Variants in WDR76 observed in about 807,000 individuals in gnomAD.
The protein encoded by WDR76 is WD repeat-containing protein 76.
In WDR76, 52 loss-of-function variants were observed where a neutral mutation model predicts 70.2. That is an observed-to-expected ratio of 0.74 (90% CI 0.59 to 0.93). WDR76 has a LOEUF of 0.93. Among genes scored for constraint, WDR76 ranks in the 40% least tolerant of loss-of-function variants. WDR76 has a pLI of 0.00. For missense variants in WDR76, 756 were observed against 760.2 expected (o/e 0.99, Z 0.07); for synonymous variants, 292 against 271.1 (o/e 1.08, Z -0.76).
rs144181930 is a variant in WDR76 at position 43,835,185 on chromosome 15, G to T, written c.552+35G>T. On this transcript the variant is annotated intron_variant, in intron 3 of 12. Coordinates refer to ENST00000263795, the MANE Select transcript of WDR76 (RefSeq NM_024908.4). ...GAGTCTATTTAAAAGCAAGATGCAG[G>T]GCCGGGAACAGTGGGTAGCGCCTGT... is the stretch of plus-strand genomic sequence containing the variant. 2.8e-3 allele frequency: 4,488 copies of T among 1,596,816 alleles called. 95 individuals are homozygous for T. The East Asian group carries it at 0.061, about 22-fold the overall frequency.
At chr15:43,848,090 A>AG (rs1372176676) in intron 8 of WDR76, among the ~76,000 whole-genome samples, 2 of 151,706 alleles carry the variant, frequency 1.3e-5, no homozygotes, top group African/African-American at 4.9e-5. Context: ...AACAAAAAAA[A>AG]AACTGGATGT....
rs564555655 is a variant in WDR76, at chr15:43,852,344, C to T, written c.1191+1099C>T. On this transcript the variant is annotated intron_variant, in intron 9 of 12. Transcript: ENST00000263795. ...GATTACAGGCACCCATCATCACGCC[C>T]GGGTAATTTGTTGTTGTTGTTGTTG... is the stretch of plus-strand genomic sequence containing the variant. Among the ~76,000 whole-genome samples, 259 of 151,070 alleles carry T rather than the reference C, an allele frequency of 1.7e-3. 2 individuals are homozygous for T. The highest frequency in any genetic ancestry group is 5.4e-3 in the African/African-American group (220 of 41,118).
At chr15:43,861,941 A>G (rs1397607277) in intron 12 of WDR76, among the ~76,000 whole-genome samples, 1 of 144,846 alleles carries the variant, frequency 6.9e-6, no homozygotes. Context: ...GGTTCAAGCT[A>G]TTCTCCTGCC....
At chr15:43,838,282 T>C (rs1025005788) in intron 4 of WDR76, among the ~76,000 whole-genome samples, 4 of 152,282 alleles carry the variant, frequency 2.6e-5, no homozygotes, top group African/African-American at 9.6e-5. Flanking sequence ...GCCTCCCAGG[T>C]TCAAGCAATT....
intron 4 of WDR76, 37 bp downstream of exon 4, chr15:43,836,253 C>T (rs750615024): frequency 2.5e-6 from 4 of 1,577,992 alleles, no homozygotes; most frequent in East Asian, 2.3e-5. Flanking sequence ...AACCATGATA[C>T]ATTGCTCAAC....
At chr15:43,847,914 C>T (rs1317957751) in intron 8 of WDR76, among the ~76,000 whole-genome samples, 1 of 152,038 alleles carries the variant, frequency 6.6e-6, no homozygotes, top group African/African-American at 2.4e-5. Context: ...GGTTTTAGAA[C>T]ATTTTCATCA....
intron 12 of WDR76, among the ~76,000 whole-genome samples, chr15:43,862,962 G>A (rs893184012): frequency 7.9e-5 from 12 of 151,804 alleles, no homozygotes; most frequent in Admixed American, 2.0e-4. Flanking sequence ...TAGAGACAGA[G>A]TCTCGCTCTG....
chr15:43,856,582 CTTTT>C lies in WDR76; in HGVS notation c.1192-361_1192-358del, dbSNP rs150058557. Among the ~76,000 whole-genome samples the C allele has an allele frequency of 5.8e-3, 839 of 143,744 alleles. 6 individuals are homozygous for C. The highest frequency in any genetic ancestry group is 0.02 in the African/African-American group (791 of 39,062). 94.3% of individuals were successfully genotyped at this position (143,744 alleles called of 152,430 possible). On this transcript the variant is annotated intron_variant, in intron 9 of 12. Transcript: ENST00000263795. Reference sequence around the variant, plus strand: ...ACACAGCTGATCAGTGCCTTTGTTTCTTTTTTGTTTTGTTTTGTTTCTTTTTTTT... The same window carrying C: ...ACACAGCTGATCAGTGCCTTTGTTTCTTGTTTTGTTTTGTTTCTTTTTTTT...
chr15:43,862,082 C>T (rs1049486676), intron 12 of WDR76, among the ~76,000 whole-genome samples: 5 of 151,792 alleles, frequency 3.3e-5, no homozygotes, highest in African/African-American at 1.2e-4. Context: ...GTGATCCACC[C>T]GCCTCGGCCT....
Position 43,842,506 on chromosome 15 carries a change from G to C in WDR76, c.824G>C (p.Gly275Ala), listed in dbSNP as rs141909442. Residue 275 changes from glycine (G) to alanine (A), a missense_variant, in exon 6 of 13, where the codon GGA (glycine) becomes GCA (alanine). Transcript: ENST00000263795. The part of the protein sequence containing the change: ...RFKGFLHTWA[G>A]MSKPSSKNTE... ...AAAGGATTTCTGCACACATGGGCAG[G>C]AATGAGCAAGGTATCACTTGGGAAG... is the stretch of plus-strand genomic sequence containing the variant. The C allele has an allele frequency of 3.7e-6, 6 of 1,613,814 alleles. No individual in the cohort carries two copies. Among genetic ancestry groups the C allele is most frequent in the Non-Finnish European group, 5.1e-6 (6 of 1,179,858 alleles).
chr15:43,860,252 C>G (rs936509622), intron 11 of WDR76, among the ~76,000 whole-genome samples: 4 of 152,136 alleles, frequency 2.6e-5, no homozygotes, highest in African/African-American at 9.7e-5. Flanking sequence ...CTCTTGAAAA[C>G]CAAAACACAA....
chr15:43,865,282 A>AT (rs1052885781), intron 12 of WDR76, among the ~76,000 whole-genome samples: 8 of 99,500 alleles, frequency 8.0e-5, no homozygotes, highest in Middle Eastern at 6.9e-3. Flanking sequence ...TTTTATTTTT[A>AT]TTTTTTTTGA....
At chr15:43,847,446 G>A (rs910423321) in intron 8 of WDR76, among the ~76,000 whole-genome samples, 2 of 149,580 alleles carry the variant, frequency 1.3e-5, no homozygotes, top group African/African-American at 5.0e-5. Flanking sequence ...TTTTTGAGAC[G>A]AGTCTTGCTC....
At chr15:43,860,619 C>T (rs9989313) in intron 11 of WDR76, among the ~76,000 whole-genome samples, 23,772 of 151,924 alleles carry the variant, frequency 0.16, 2,455 homozygotes, top group African/African-American at 0.28. Context: ...CTTACGGCCT[C>T]AGCTTCCCAA....
In WDR76 at chr15:43,828,430, C is replaced by T. The variant is rs962637133; in HGVS notation, c.462+64C>T. On this transcript the variant is annotated intron_variant, in intron 2 of 12. Coordinates refer to ENST00000263795, the MANE Select transcript of WDR76 (RefSeq NM_024908.4). The stretch of plus-strand genomic sequence containing the variant: ...TTTGAAATTTGAAGTTCTGATAAAT[C>T]GAAGTTTTTCGAGGATCTCTCTGGT... 24 of 1,478,118 alleles carry T rather than the reference C, an allele frequency of 1.6e-5. No individual in the cohort carries two copies. In the South Asian group the frequency reaches 2.2e-4, roughly 13 times the overall value. 91.6% of individuals were successfully genotyped at this position (1,478,118 alleles called of 1,614,324 possible).
rs11353535 is a variant in WDR76 at position 43,828,905 on chromosome 15, C to CT, written c.462+553dup. ...AAGGAATTTGGTGTGTAATTTTTTT[C>CT]TTTTTTTTTTTTTTGGAGACAGAGT... On this transcript the variant is annotated intron_variant, in intron 2 of 12. Transcript: ENST00000263795. 3.3e-4 allele frequency among the ~76,000 whole-genome samples: 44 copies of CT among 131,808 alleles called. No homozygotes were observed. In the South Asian group the frequency reaches 5.2e-3, roughly 16 times the overall value. The allele number at this position is 131,808 out of a possible 152,430, so 86.5% of individuals were successfully genotyped here. A position where few individuals can be genotyped will look rare whatever the true frequency, so the allele number is the denominator to read the frequency against.
chr15:43,846,056 G>T (rs1213811829), intron 8 of WDR76, among the ~76,000 whole-genome samples: 3 of 149,964 alleles, frequency 2.0e-5, no homozygotes, highest in African/African-American at 7.3e-5. Context: ...GATCAGAATA[G>T]TATGTTTTGG....
Position 43,858,766 on chromosome 15 carries a change from A to G in WDR76, c.1505A>G (p.Tyr502Cys), listed in dbSNP as rs756558527. 4 of 1,614,050 alleles carry G rather than the reference A, an allele frequency of 2.5e-6. No individual in the cohort carries two copies. Among genetic ancestry groups the G allele is most frequent in the South Asian group, 2.2e-5 (2 of 91,082 alleles). ...TEHTKSIASA[Y>C]FSPLTGNRVV... ...CATACAAAGAGCATTGCTTCCGCCT[A>G]TTTTTCACCTCTTACTGGTAACAGA... The change falls in exon 11 of 13, where the codon TAT becomes TGT. Residue 502 changes from tyrosine to cysteine, a missense_variant. By Grantham distance (194) the Tyr-to-Cys change is radical. Transcript: ENST00000263795.
chr15:43,844,306 G>C (rs1380177417), intron 8 of WDR76, among the ~76,000 whole-genome samples: 1 of 152,196 alleles, frequency 6.6e-6, no homozygotes, highest in Non-Finnish European at 1.5e-5. Flanking sequence ...GTTACACTTT[G>C]TGTGATCTTT....
Sources: gnomAD v4.1 joint callset for allele counts (sites outside exome capture counted in the v4.1 genomes callset) on GRCh38, gnomAD v4.1.1 for gene constraint, MANE v1.5 for transcripts, NCBI Gene and HGNC (gene_info 2026-07-23, HGNC 2026-07-21) for gene names.